The following ADGRA1 variants were observed in gnomAD, a reference collection of about 807,000 sequenced individuals.
The protein encoded by ADGRA1 is adhesion G protein-coupled receptor A1.
ADGRA1 carries 12 observed loss-of-function variants against 21.3 expected under a neutral mutation model. That is an observed-to-expected ratio of 0.56 (90% CI 0.36 to 0.91). The LOEUF (loss-of-function observed/expected upper bound fraction) is 0.91, where lower values mean the gene tolerates loss of function less well. ADGRA1 is among the 40% of genes least tolerant of loss of function. The probability of loss-of-function intolerance (pLI) is 0.01; values close to 1 mark genes in which losing one functional copy is unlikely to be tolerated. For synonymous variants in ADGRA1, 385 were observed against 368.8 expected, an observed-to-expected ratio of 1.04 and a Z score of -0.50; for missense variants, 790 against 805.6, an observed-to-expected ratio of 0.98 and a Z score of 0.23.
rs532269504 is a variant in ADGRA1 at position 133,101,964 on chromosome 10, G to A, written c.256-733G>A. Among the ~76,000 whole-genome samples the A allele has an allele frequency of 3.3e-5, 5 of 152,378 alleles. No individual in the cohort carries two copies. In the East Asian group the frequency reaches 9.6e-4, roughly 29 times the overall value. On this transcript the variant is annotated intron_variant, in intron 4 of 6. Coordinates refer to ENST00000392607, the MANE Select transcript of ADGRA1 (RefSeq NM_001083909.3). ...GGATCTGATAAATCATCATAATGGTGCGACGTTAGCTTTATGCGGCGAATC... is the reference window on the plus strand; with the variant it reads ...GGATCTGATAAATCATCATAATGGTACGACGTTAGCTTTATGCGGCGAATC...
chr10:133,096,182 G>A (rs980766636), intron 2 of ADGRA1, among the ~76,000 whole-genome samples: 47 of 152,154 alleles, frequency 3.1e-4, no homozygotes, highest in African/African-American at 1.1e-3. Context: ...CCCCCTCCTG[G>A]GCCTGTGCAC....
intron 6 of ADGRA1, among the ~76,000 whole-genome samples, chr10:133,127,978 A>C (rs952715485): frequency 1.1e-3 from 8 of 7,350 alleles, no homozygotes; most frequent in East Asian, 3.6e-3. Context: ...CGCCCACCCC[A>C]CTTCACCTCT....
intron 5 of ADGRA1, among the ~76,000 whole-genome samples, chr10:133,113,550 C>A (rs1178811348): frequency 6.6e-6 from 1 of 152,224 alleles, no homozygotes; most frequent in Non-Finnish European, 1.5e-5. Context: ...TTGGACCCCA[C>A]TGGGCTGGGG....
At chr10:133,119,041 CACAT>C (rs537473937) in intron 5 of ADGRA1, among the ~76,000 whole-genome samples, 4 of 152,100 alleles carry the variant, frequency 2.6e-5, no homozygotes, top group Non-Finnish European at 4.4e-5. Context: ...TCACACCACA[CACAT>C]ACACTCTTGC....
rs1489938810 is a variant in ADGRA1, at chr10:133,128,323, C to T, written c.501-6C>T. 2 of 1,534,916 alleles carry T rather than the reference C, an allele frequency of 1.3e-6. No homozygotes were observed. Among genetic ancestry groups the T allele is most frequent in the Non-Finnish European group, 8.7e-7 (1 of 1,144,158 alleles). ...CCCGCTGACACTGACGTGCGTCTCCCCACAGCTGCTGGATGGCCTGGGAGC... is the reference window on the plus strand; with the variant it reads ...CCCGCTGACACTGACGTGCGTCTCCTCACAGCTGCTGGATGGCCTGGGAGC... On this transcript the variant is annotated splice_polypyrimidine_tract_variant and splice_region_variant and intron_variant, in intron 6 of 6. Transcript: ENST00000392607.
chr10:133,093,369 A>G, intron 2 of ADGRA1: 1 of 1,296,586 alleles, frequency 7.7e-7, no homozygotes, highest in Non-Finnish European at 1.0e-6. Flanking sequence ...TGCAGAACAC[A>G]CCAAAGAGGA....
At chr10:133,128,308 C>G in intron 6 of ADGRA1, 21 bp from the exon 7 acceptor site, 1 of 1,509,630 alleles carries the variant, frequency 6.6e-7, no homozygotes, top group South Asian at 1.3e-5. Flanking sequence ...CCCGCTGACA[C>G]TGACGTGCGT....
In ADGRA1 at chr10:133,127,268, T is replaced by C; in HGVS notation, c.437T>C (p.Ile146Thr). 1.3e-6 allele frequency: 2 copies of C among 1,597,438 alleles called. No individual in the cohort carries two copies. Among genetic ancestry groups the C allele is most frequent in the Non-Finnish European group, 1.7e-6 (2 of 1,173,634 alleles). ...GTCAGCGGAGGGGTCCCCTTTATCA[T>C]CTGTGGGGTCACGGCTGCCACGAAC... is the stretch of plus-strand genomic sequence containing the variant. ...YLVSGGVPFI[I>T]CGVTAATNIR... is the part of the protein sequence containing the mutation. The change falls in exon 6 of 7, where the codon ATC becomes ACC. Residue 146 changes from isoleucine to threonine, a missense_variant. Coordinates refer to ENST00000392607, the MANE Select transcript of ADGRA1 (RefSeq NM_001083909.3).
Position 133,128,950 on chromosome 10 carries a change from C to T in ADGRA1, c.1122C>T (p.Ala374=). ...ACCTGCAGGCCGCGCAGGGCCACGC[C>T]AGTTGCCTGTCACCGGCCACCCCGT... The part of the protein sequence containing the change: ...MTNLQAAQGH[A]SCLSPATPCC... The change falls in exon 7 of 7, where the codon GCC becomes GCT. Residue 374 remains alanine, a synonymous_variant. Coordinates refer to ENST00000392607, the MANE Select transcript of ADGRA1 (RefSeq NM_001083909.3). 3.9e-6 allele frequency: 6 copies of T among 1,558,030 alleles called. No homozygotes were observed. The highest frequency in any genetic ancestry group is 5.2e-6 in the Non-Finnish European group (6 of 1,154,204).
At chr10:133,113,463 C>A (rs1355901900) in intron 5 of ADGRA1, among the ~76,000 whole-genome samples, 2 of 152,198 alleles carry the variant, frequency 1.3e-5, no homozygotes, top group African/African-American at 2.4e-5. Context: ...AGCTGGGAAC[C>A]CTCTCTAGGC....
At chr10:133,125,161 TATACTC>T (rs1852355020) in intron 5 of ADGRA1, among the ~76,000 whole-genome samples, 3 of 152,266 alleles carry the variant, frequency 2.0e-5, no homozygotes, top group South Asian at 4.1e-4. Flanking sequence ...ACTTGTGTCT[TATACTC>T]AAAGTGTTTC....
chr10:133,102,973 C>A, intron 5 of ADGRA1, 131 bp downstream of exon 5: 1 of 1,002,008 alleles, frequency 1.0e-6, no homozygotes, highest in Non-Finnish European at 1.4e-6. Context: ...GGGGGAGGGT[C>A]AGTGTTCCCA....
At chr10:133,110,268 C>T (rs1564848448) in intron 5 of ADGRA1, among the ~76,000 whole-genome samples, 1 of 152,282 alleles carries the variant, frequency 6.6e-6, no homozygotes, top group Non-Finnish European at 1.5e-5. Flanking sequence ...CAGGCTCAAG[C>T]TCCGCATTCT....
At chr10:133,126,247 T>C (rs1311845923) in intron 5 of ADGRA1, among the ~76,000 whole-genome samples, 1 of 152,350 alleles carries the variant, frequency 6.6e-6, no homozygotes, top group East Asian at 1.9e-4. Context: ...GAAAATGCTG[T>C]TAGTTTTATT....
At chr10:133,104,457 A>T (rs1311129701) in intron 5 of ADGRA1, among the ~76,000 whole-genome samples, 2 of 152,186 alleles carry the variant, frequency 1.3e-5, no homozygotes, top group African/African-American at 4.8e-5. Context: ...TGCGCGCCGC[A>T]GAGCCGTGCG....
At chr10:133,124,397 C>T (rs1028877716) in intron 5 of ADGRA1, among the ~76,000 whole-genome samples, 1 of 152,228 alleles carries the variant, frequency 6.6e-6, no homozygotes, top group African/African-American at 2.4e-5. Flanking sequence ...GTTAGGATTT[C>T]ACCGAGATTC....
Position 133,111,534 on chromosome 10 carries a change from A to T in ADGRA1, c.401+8692A>T, listed in dbSNP as rs12256376. On this transcript the variant is annotated intron_variant, in intron 5 of 6. Transcript: ENST00000392607. ...CCACAGACACCTCCCTCCTAATCCC[A>T]CCAGACAACCTGCCCACCACGGACA... Among the ~76,000 whole-genome samples, 39 of 5,696 alleles carry T rather than the reference A, an allele frequency of 6.8e-3. 1 individual carries two copies. The highest frequency in any genetic ancestry group is 0.011 in the Admixed American group (8 of 696). 3.7% of individuals were successfully genotyped at this position (5,696 alleles called of 152,430 possible).
intron 4 of ADGRA1, among the ~76,000 whole-genome samples, chr10:133,100,551 G>A (rs997226151): frequency 6.6e-6 from 1 of 152,250 alleles, no homozygotes; most frequent in African/African-American, 2.4e-5. Flanking sequence ...TGGGGTGTTG[G>A]GGCTGCAGCA....
intron 5 of ADGRA1, among the ~76,000 whole-genome samples, chr10:133,105,520 T>C (rs1473573786): frequency 6.6e-6 from 1 of 152,122 alleles, no homozygotes; most frequent in Admixed American, 6.5e-5. Flanking sequence ...AACGGCCACC[T>C]CTGCTCTGCT....
Sources: gnomAD v4.1 joint callset for allele counts (sites outside exome capture counted in the v4.1 genomes callset) on GRCh38, gnomAD v4.1.1 for gene constraint, MANE v1.5 for transcripts, NCBI Gene and HGNC (gene_info 2026-07-23, HGNC 2026-07-21) for gene names.